GFRA2: variants seen among roughly 807,000 people sequenced by gnomAD.
GFRA2 encodes GDNF family receptor alpha 2, also known as GDNF family receptor alpha-2.
GFRA2 carries 17 observed loss-of-function variants against 48.3 expected under a neutral mutation model. That is an observed-to-expected ratio of 0.35 (90% CI 0.24 to 0.53). The LOEUF is 0.53. Among genes scored for constraint, GFRA2 ranks in the 20% least tolerant of loss-of-function variants. The pLI is 0.93. For missense variants in GFRA2, 660 were observed against 637.3 expected (o/e 1.04, Z -0.38); for synonymous variants, 305 against 257.2 (o/e 1.19, Z -1.78).
At chr8:21,763,740 C>T (rs1485131470) in intron 3 of GFRA2, among the ~76,000 whole-genome samples, 6 of 151,926 alleles carry the variant, frequency 3.9e-5, no homozygotes, top group African/African-American at 1.2e-4. Flanking sequence ...GACCCCCTGA[C>T]CCAAACACTT....
At chr8:21,713,521 A>C (rs1490961911) in intron 4 of GFRA2, among the ~76,000 whole-genome samples, 1 of 151,980 alleles carries the variant, frequency 6.6e-6, no homozygotes, top group African/African-American at 2.4e-5. Context: ...ATGAATACAT[A>C]AGCCTCCAGC....
intron 4 of GFRA2, among the ~76,000 whole-genome samples, chr8:21,713,080 G>C (rs992283352): frequency 1.4e-5 from 2 of 145,780 alleles, no homozygotes; most frequent in African/African-American, 5.0e-5. Context: ...GAGGGAGAGG[G>C]AGAGGCAGAG....
At chr8:21,810,094 C>T (rs1807949765) in intron 1 of GFRA2, among the ~76,000 whole-genome samples, 1 of 152,218 alleles carries the variant, frequency 6.6e-6, no homozygotes. Flanking sequence ...TCAAGTAGAA[C>T]TTGTGAGCCT....
intron 2 of GFRA2, among the ~76,000 whole-genome samples, chr8:21,800,000 T>C (rs1807743337): frequency 6.6e-6 from 1 of 152,246 alleles, no homozygotes. Context: ...TGGTGCACTT[T>C]GGCTAGGGGA....
In GFRA2 at chr8:21,706,025, A is replaced by G; in HGVS notation, c.811T>C (p.Phe271Leu). 1.3e-6 allele frequency: 2 copies of G among 1,572,082 alleles called. No individual in the cohort carries two copies. The highest frequency in any genetic ancestry group is 1.2e-5 in the South Asian group (1 of 85,310). Residue 271 changes from phenylalanine (F) to leucine (L), a missense_variant, in exon 5 of 9, where the codon TTC becomes CTC. Transcript: ENST00000524240. ...DHLCRSRLAD[F>L]HANCRASYQT... Reference sequence around the variant, plus strand: ...TAGGAGGCTCGACAATTGGCATGGAAGTCGGCCAGCCGGGACCTGGTGGTG... The same window carrying G: ...TAGGAGGCTCGACAATTGGCATGGAGGTCGGCCAGCCGGGACCTGGTGGTG...
At chr8:21,776,848 C>G (rs34298776) in intron 2 of GFRA2, among the ~76,000 whole-genome samples, 56,175 of 151,846 alleles carry the variant, frequency 0.37, 12,085 homozygotes, top group East Asian at 0.6. Context: ...CCTGGATGAT[C>G]TCAATGTCCT....
At chr8:21,740,697 T>C (rs1357447507) in intron 4 of GFRA2, among the ~76,000 whole-genome samples, 1 of 152,218 alleles carries the variant, frequency 6.6e-6, no homozygotes, top group African/African-American at 2.4e-5. Context: ...AATACGCTAA[T>C]GCCCCCAGAA....
chr8:21,727,078 A>G (rs1244599456), intron 4 of GFRA2, among the ~76,000 whole-genome samples: 1 of 152,164 alleles, frequency 6.6e-6, no homozygotes, highest in Non-Finnish European at 1.5e-5. Context: ...AACAAAGGCC[A>G]CATTCTGAAG....
intron 2 of GFRA2, among the ~76,000 whole-genome samples, chr8:21,802,747 A>G (rs1807793433): frequency 6.6e-6 from 1 of 152,220 alleles, no homozygotes; most frequent in Non-Finnish European, 1.5e-5. Flanking sequence ...TTTGGAAGCT[A>G]TGGTGGTAGA....
intron 4 of GFRA2, among the ~76,000 whole-genome samples, chr8:21,738,321 T>C: frequency 6.6e-6 from 1 of 150,890 alleles, no homozygotes; most frequent in Admixed American, 6.6e-5. Context: ...CCGTTCACTG[T>C]CTGCATCCAG....
chr8:21,795,689 G>T (rs976211071), intron 2 of GFRA2, among the ~76,000 whole-genome samples: 1 of 152,138 alleles, frequency 6.6e-6, no homozygotes, highest in Non-Finnish European at 1.5e-5. Context: ...CATCGCACCT[G>T]GCCTCAGGGA....
chr8:21,718,121 T>C (rs1272552441), intron 4 of GFRA2, among the ~76,000 whole-genome samples: 2 of 152,182 alleles, frequency 1.3e-5, no homozygotes, highest in Admixed American at 6.5e-5. Flanking sequence ...CCAAATCTCA[T>C]CTTGAATTCC....
intron 4 of GFRA2, among the ~76,000 whole-genome samples, chr8:21,715,366 T>C (rs1803280467): frequency 1.3e-5 from 2 of 152,228 alleles, no homozygotes; most frequent in African/African-American, 4.8e-5. Context: ...TGGAGTGCAA[T>C]GGCGTGATCT....
At chr8:21,766,678 TG>T (rs1411920157) in intron 3 of GFRA2, among the ~76,000 whole-genome samples, 3 of 114,684 alleles carry the variant, frequency 2.6e-5, no homozygotes, top group African/African-American at 1.0e-4. Context: ...AACAGGGGCC[TG>T]GGGGGTCATT....
intron 3 of GFRA2, among the ~76,000 whole-genome samples, chr8:21,754,505 C>CTTTTTTTT (rs59344047): frequency 6.6e-5 from 8 of 121,226 alleles, no homozygotes; most frequent in Admixed American, 8.7e-5. Flanking sequence ...CTTTTTTTTT[C>CTTTTTTTT]TTTTTTTTTT....
chr8:21,700,358 C>A (rs1235360278), intron 7 of GFRA2, among the ~76,000 whole-genome samples: 2 of 152,224 alleles, frequency 1.3e-5, no homozygotes, highest in Non-Finnish European at 2.9e-5. Flanking sequence ...GGGGCCAAAG[C>A]CTGAAGGAGA....
intron 1 of GFRA2, among the ~76,000 whole-genome samples, chr8:21,810,382 A>G (rs28368376): frequency 0.53 from 81,186 of 151,992 alleles, 24,336 homozygotes; most frequent in African/African-American, 0.81. Flanking sequence ...ACCTGGAGCC[A>G]TAGCCCCACA....
Position 21,750,979 on chromosome 8 carries a change from C to A in GFRA2, c.440-37G>T, listed in dbSNP as rs773558083. 1.4e-6 allele frequency: 2 copies of A among 1,418,176 alleles called. No individual in the cohort carries two copies. Among genetic ancestry groups the A allele is most frequent in the Admixed American group, 3.7e-5 (2 of 53,684 alleles). The allele number at this position is 1,418,176 out of a possible 1,614,324, so 87.8% of individuals were successfully genotyped here. A position where few individuals can be genotyped will look rare whatever the true frequency, so the allele number is the denominator to read the frequency against. On this transcript the variant is annotated intron_variant, in intron 3 of 8. Coordinates refer to ENST00000524240, the MANE Select transcript of GFRA2 (RefSeq NM_001495.5). This position sits in a 1 kb window ranked among gnomAD's most constrained non-coding sequence, Gnocchi z 5.7. ...ACAAGAGAGCAGGTCAGAGGCCACA[C>A]AAGCATGAGGAGGACACAGCTGCCC... is the stretch of plus-strand genomic sequence containing the variant.
intron 1 of GFRA2, chr8:21,812,115 C>G (rs953754068): frequency 1.3e-5 from 2 of 152,246 alleles, no homozygotes; most frequent in Non-Finnish European, 2.9e-5. Flanking sequence ...TGTGGCCATC[C>G]GAAACCACCT....
Sources: allele counts gnomAD v4.1 joint callset (sites outside exome capture counted in the v4.1 genomes callset), GRCh38; gene constraint gnomAD v4.1.1; non-coding constraint Gnocchi (gnomAD v3.1); transcripts MANE v1.5; gene names NCBI Gene and HGNC (gene_info 2026-07-23, HGNC 2026-07-21).